Variants in RORA observed in about 807,000 individuals in gnomAD.
RORA encodes the protein RAR related orphan receptor A.
A neutral mutation model predicts 69.5 loss-of-function variants in RORA; 7 were observed. That is an observed-to-expected ratio of 0.10 (90% CI 0.06 to 0.19). RORA has a LOEUF of 0.19. Ranked by LOEUF, RORA falls within the 10% of genes least tolerant of loss-of-function variation. The pLI, the probability that RORA is intolerant of heterozygous loss-of-function variation, is 1.00. For missense variants in RORA, 457 were observed against 663.0 expected (o/e 0.69, Z 3.41); for synonymous variants, 261 against 240.8 (o/e 1.08, Z -0.78).
chr15:61,074,282 A>G (rs372756489), intron 1 of RORA, among the ~76,000 whole-genome samples: 1 of 152,228 alleles, frequency 6.6e-6, no homozygotes, highest in African/African-American at 2.4e-5. Context: ...AACAAGATCA[A>G]AGGAAAATAA....
intron 5 of RORA, among the ~76,000 whole-genome samples, chr15:60,506,722 G>A (rs2065516094): frequency 6.6e-6 from 1 of 151,906 alleles, no homozygotes. Flanking sequence ...CGTGGTGTTG[G>A]CTGTCTGTGA....
At position 60,572,110 on chromosome 15, in the gene RORA, C is replaced by A. The variant is rs758587085; in HGVS notation, c.197-40259G>T. Among the ~76,000 whole-genome samples, 53 of 152,236 alleles carry A rather than the reference C, an allele frequency of 3.5e-4. 1 individual carries two copies. Among genetic ancestry groups the A allele is most frequent in the Non-Finnish European group, 6.6e-4 (45 of 68,040 alleles). On this transcript the variant is annotated intron_variant, in intron 2 of 10. Transcript: ENST00000335670. Reference sequence around the variant, plus strand: ...ATGGAAAAAATACTAGGTATACCCTCATCCATTGCTCACTAGCCATGCTTT... The same window carrying A: ...ATGGAAAAAATACTAGGTATACCCTAATCCATTGCTCACTAGCCATGCTTT...
intron 1 of RORA, chr15:60,848,499 T>C (rs191881785): frequency 6.6e-6 from 1 of 152,292 alleles, no homozygotes; most frequent in Non-Finnish European, 1.5e-5. Flanking sequence ...AAGCCCAAGA[T>C]ACGATTCTTC....
chr15:61,211,246 T>A (rs201384296), intron 1 of RORA, among the ~76,000 whole-genome samples: 4 of 150,982 alleles, frequency 2.6e-5, no homozygotes, highest in East Asian at 3.9e-4. Flanking sequence ...CTGGAAGGGC[T>A]TTCTGCAAAG....
chr15:60,985,850 G>C (rs1332818914), intron 1 of RORA, among the ~76,000 whole-genome samples: 2 of 152,126 alleles, frequency 1.3e-5, no homozygotes, highest in African/African-American at 2.4e-5. Flanking sequence ...AAAATGCTGG[G>C]ATTACAGGTG....
chr15:61,205,072 A>G (rs1482084071), intron 1 of RORA, among the ~76,000 whole-genome samples: 1 of 152,206 alleles, frequency 6.6e-6, no homozygotes, highest in Non-Finnish European at 1.5e-5. Flanking sequence ...GGGCCCAGAC[A>G]AGGCTTTCTA....
At chr15:60,651,809 G>GAC (rs1446202385) in intron 2 of RORA, among the ~76,000 whole-genome samples, 1 of 152,176 alleles carries the variant, frequency 6.6e-6, no homozygotes, top group Non-Finnish European at 1.5e-5. Flanking sequence ...ATCTGAGAGA[G>GAC]ATAAATTTAC....
chr15:61,220,520 A>G (rs561303483), intron 1 of RORA, among the ~76,000 whole-genome samples: 1 of 152,356 alleles, frequency 6.6e-6, no homozygotes, highest in East Asian at 1.9e-4. Flanking sequence ...GGCATCGATC[A>G]TATGGGATGA....
intron 1 of RORA, among the ~76,000 whole-genome samples, chr15:61,013,021 A>G (rs1895139552): frequency 6.6e-6 from 1 of 152,210 alleles, no homozygotes. Context: ...TCTTGGGATG[A>G]CAAACTTCCC....
intron 1 of RORA, among the ~76,000 whole-genome samples, chr15:60,808,402 A>T (rs930372979): frequency 6.6e-6 from 1 of 152,122 alleles, no homozygotes; most frequent in Non-Finnish European, 1.5e-5. Flanking sequence ...AATAAAAAAA[A>T]TTTAAAAAAT....
intron 1 of RORA, among the ~76,000 whole-genome samples, chr15:61,005,795 G>C (rs1256594692): frequency 6.6e-6 from 1 of 152,128 alleles, no homozygotes; most frequent in East Asian, 1.9e-4. Context: ...GTGTAGTCCA[G>C]TCTAAACTAT....
chr15:60,717,120 C>G (rs1402094530), intron 1 of RORA, among the ~76,000 whole-genome samples: 1 of 152,134 alleles, frequency 6.6e-6, no homozygotes, highest in Non-Finnish European at 1.5e-5. Context: ...CTGACAATAT[C>G]TCCAGGTAAA....
intron 1 of RORA, among the ~76,000 whole-genome samples, chr15:61,144,359 G>A (rs897470820): frequency 1.3e-5 from 2 of 152,178 alleles, no homozygotes; most frequent in African/African-American, 4.8e-5. Context: ...TTGGATGTAG[G>A]GTATTCCGAG....
At chr15:60,917,487 G>T (rs1233615033) in intron 1 of RORA, among the ~76,000 whole-genome samples, 1 of 152,168 alleles carries the variant, frequency 6.6e-6, no homozygotes, top group African/African-American at 2.4e-5. Flanking sequence ...AGTTCTACGA[G>T]CCTAGCCTAG....
intron 2 of RORA, among the ~76,000 whole-genome samples, chr15:60,646,071 G>A (rs532733849): frequency 1.3e-5 from 2 of 152,226 alleles, no homozygotes; most frequent in South Asian, 4.2e-4. Flanking sequence ...ATTTGGCATT[G>A]GAAAAGTACA....
At chr15:60,508,962 G>A (rs1043256963) in intron 5 of RORA, among the ~76,000 whole-genome samples, 1 of 152,180 alleles carries the variant, frequency 6.6e-6, no homozygotes, top group Non-Finnish European at 1.5e-5. Context: ...AAAAGTAATA[G>A]GTTGTGCATA....
chr15:60,605,784 T>G (rs1003596853), intron 2 of RORA, among the ~76,000 whole-genome samples: 1 of 152,220 alleles, frequency 6.6e-6, no homozygotes, highest in African/African-American at 2.4e-5. Flanking sequence ...TTTCCTAACT[T>G]ACATTTATAT....
chr15:61,196,430 G>A (rs1466415485), intron 1 of RORA, among the ~76,000 whole-genome samples: 1 of 152,204 alleles, frequency 6.6e-6, no homozygotes, highest in African/African-American at 2.4e-5. Flanking sequence ...TGAAGGTCCT[G>A]TGCCTGGCCT....
At chr15:60,634,099 C>A (rs547988186) in intron 2 of RORA, among the ~76,000 whole-genome samples, 5 of 151,998 alleles carry the variant, frequency 3.3e-5, no homozygotes, top group African/African-American at 1.2e-4. Context: ...GAAGAATACC[C>A]CCAGCTTTTC....
Sources: gnomAD v4.1 joint callset for allele counts (sites outside exome capture counted in the v4.1 genomes callset) on GRCh38, gnomAD v4.1.1 for gene constraint, MANE v1.5 for transcripts, NCBI Gene and HGNC (gene_info 2026-07-23, HGNC 2026-07-21) for gene names.